CAPRIN2: variants seen among roughly 807,000 people sequenced by gnomAD.
CAPRIN2 encodes caprin family member 2.
In CAPRIN2, 66 loss-of-function variants were observed where a neutral mutation model predicts 130.4. The observed-to-expected ratio is 0.51, with a 90% CI of 0.42 to 0.62. The LOEUF (loss-of-function observed/expected upper bound fraction) is 0.62. Among genes scored for constraint, CAPRIN2 ranks in the 20% least tolerant of loss-of-function variants. The pLI is 0.00. For missense variants in CAPRIN2, 1,185 were observed against 1,246.6 expected (o/e 0.95, Z 0.74); for synonymous variants, 471 against 444.1 (o/e 1.06, Z -0.76).
At chr12:30,739,348 A>G (rs1368868885) in intron 3 of CAPRIN2, among the ~76,000 whole-genome samples, 2 of 152,204 alleles carry the variant, frequency 1.3e-5, no homozygotes, top group African/African-American at 2.4e-5. Context: ...TGGGGGCTAA[A>G]CAATGAGAAC....
chr12:30,710,971 A>G lies in CAPRIN2; in HGVS notation c.2666-501T>C, dbSNP rs1480153972. On this transcript the variant is annotated intron_variant, in intron 16 of 16. Transcript: ENST00000298892. This position sits in a 1 kb window ranked among gnomAD's most constrained non-coding sequence, Gnocchi z 4.8. ...TGCTTTTTTTATTTCCAAGTCATAC[A>G]CTTGTAATGTTTTAAGTGCCATACA... 2.6e-5 allele frequency among the ~76,000 whole-genome samples: 4 copies of G among 152,188 alleles called. No individual in the cohort carries two copies. Among genetic ancestry groups the G allele is most frequent in the African/African-American group, 9.7e-5 (4 of 41,446 alleles).
At chr12:30,726,288 T>C (rs893661500) in intron 8 of CAPRIN2, among the ~76,000 whole-genome samples, 200 bp from the exon 10 acceptor site, 3 of 152,208 alleles carry the variant, frequency 2.0e-5, no homozygotes, top group African/African-American at 7.2e-5. Flanking sequence ...TTCATGGAAC[T>C]CTTTCTAAAA....
intron 4 of CAPRIN2, among the ~76,000 whole-genome samples, chr12:30,734,076 C>A (rs2063622597): frequency 6.6e-6 from 1 of 152,196 alleles, no homozygotes; most frequent in Non-Finnish European, 1.5e-5. Context: ...TTAAAGAAAG[C>A]AGCTTATTTA....
At chr12:30,712,844 C>A (rs918610582) in intron 15 of CAPRIN2, among the ~76,000 whole-genome samples, 6 of 146,990 alleles carry the variant, frequency 4.1e-5, no homozygotes, top group Non-Finnish European at 8.9e-5. Context: ...CAGGTTCAAG[C>A]GATTCTCCTG....
chr12:30,728,600 T>G (rs1446398974), intron 8 of CAPRIN2, 48 bp downstream of exon 9: 6 of 1,439,884 alleles, frequency 4.2e-6, no homozygotes, highest in East Asian at 2.3e-5. Context: ...CCACGACACC[T>G]TATTTATGCC....
At chr12:30,745,878 T>A (rs949678818) in intron 2 of CAPRIN2, among the ~76,000 whole-genome samples, 1 of 152,168 alleles carries the variant, frequency 6.6e-6, no homozygotes, top group African/African-American at 2.4e-5. Context: ...TATTAAAATT[T>A]TATTAAAAAC....
intron 5 of CAPRIN2, among the ~76,000 whole-genome samples, chr12:30,733,207 T>C (rs544011075): frequency 1.3e-5 from 2 of 152,262 alleles, no homozygotes; most frequent in African/African-American, 4.8e-5. Context: ...TCCAGATCAA[T>C]AGACAACGTT....
chr12:30,740,707 T>C (rs1479865059), intron 3 of CAPRIN2, among the ~76,000 whole-genome samples: 2 of 152,210 alleles, frequency 1.3e-5, no homozygotes, highest in African/African-American at 2.4e-5. Flanking sequence ...TTAATAAATA[T>C]ACCTTGTCAA....
At chr12:30,730,051 C>T (rs1376531624) in intron 7 of CAPRIN2, among the ~76,000 whole-genome samples, 188 bp downstream of exon 8, 1 of 152,172 alleles carries the variant, frequency 6.6e-6, no homozygotes, top group Non-Finnish European at 1.5e-5. Context: ...TTAACGTTAT[C>T]CCTATTTTAC....
At chr12:30,723,950 G>A (rs539742399) in intron 10 of CAPRIN2, among the ~76,000 whole-genome samples, 1 of 152,192 alleles carries the variant, frequency 6.6e-6, no homozygotes, top group Non-Finnish European at 1.5e-5. Context: ...CATCAGACCA[G>A]ATTTGAATGC....
At chr12:30,719,789 A>G (rs1460950278) in intron 12 of CAPRIN2, 1 of 152,216 alleles carries the variant, frequency 6.6e-6, no homozygotes, top group East Asian at 1.9e-4. Flanking sequence ...CTAGATTGTG[A>G]AGCAGACAGC....
At chr12:30,745,070 G>A (rs753535823) in intron 2 of CAPRIN2, among the ~76,000 whole-genome samples, 13 of 152,214 alleles carry the variant, frequency 8.5e-5, no homozygotes, top group Non-Finnish European at 1.6e-4. Context: ...TACGCCGATA[G>A]CAGTGGAATT....
At chr12:30,731,606 T>TA (rs2062711991) in intron 5 of CAPRIN2, 96 bp from the exon 7 acceptor site, 1 of 935,932 alleles carries the variant, frequency 1.1e-6, no homozygotes, top group South Asian at 1.6e-5. Flanking sequence ...AGTACATTGT[T>TA]ACAATAGTTT....
intron 14 of CAPRIN2, 171 bp downstream of exon 16, chr12:30,714,788 T>G (rs2056869266): frequency 2.2e-6 from 1 of 453,826 alleles, no homozygotes; most frequent in South Asian, 6.5e-5. Context: ...GAAAATTAGT[T>G]CCTCTGTTAT....
At chr12:30,749,566 G>T (rs1200338496) in intron 2 of CAPRIN2, among the ~76,000 whole-genome samples, 1 of 152,228 alleles carries the variant, frequency 6.6e-6, no homozygotes, top group Non-Finnish European at 1.5e-5. Context: ...GAGCAGACTT[G>T]CTGATGAGCT....
At position 30,710,556 on chromosome 12, in the gene CAPRIN2, A is replaced by T; in HGVS notation, c.2666-86T>A. 1 of 1,571,944 alleles carries T rather than the reference A, an allele frequency of 6.4e-7. No individual in the cohort carries two copies. The highest frequency in any genetic ancestry group is 8.6e-7 in the Non-Finnish European group (1 of 1,162,912). On this transcript the variant is annotated intron_variant, in intron 16 of 16. Transcript: ENST00000298892. The surrounding 1 kb of genome is among the most constrained non-coding windows in gnomAD (Gnocchi z 4.8). ...TAACATTAGTCGGCTACTGAAACAG[A>T]CAAAGATACATTTTATAGTAAATTC... is the stretch of plus-strand genomic sequence containing the variant.
rs1450281281 is a variant in CAPRIN2 at position 30,710,557 on chromosome 12, C to CA, written c.2666-88dup. ...AACATTAGTCGGCTACTGAAACAGA[C>CA]AAAGATACATTTTATAGTAAATTCC... is the stretch of plus-strand genomic sequence containing the variant. On this transcript the variant is annotated intron_variant, in intron 16 of 16. Transcript: ENST00000298892. This position sits in a 1 kb window ranked among gnomAD's most constrained non-coding sequence, Gnocchi z 4.8. 2 of 1,570,676 alleles carry CA rather than the reference C, an allele frequency of 1.3e-6. No homozygotes were observed. Among genetic ancestry groups the CA allele is most frequent in the Non-Finnish European group, 1.7e-6 (2 of 1,162,338 alleles).
chr12:30,736,798 A>C (rs1186408109), intron 3 of CAPRIN2, among the ~76,000 whole-genome samples: 2 of 152,196 alleles, frequency 1.3e-5, no homozygotes, highest in African/African-American at 4.8e-5. Context: ...GCTTGAGAGA[A>C]GAAAAGAGGA....
chr12:30,749,103 C>A (rs2072318263), intron 2 of CAPRIN2, among the ~76,000 whole-genome samples: 1 of 152,024 alleles, frequency 6.6e-6, no homozygotes, highest in African/African-American at 2.4e-5. Flanking sequence ...GGGAATTGAG[C>A]CACTGAAACA....
Sources: allele counts gnomAD v4.1 joint callset (sites outside exome capture counted in the v4.1 genomes callset), GRCh38; gene constraint gnomAD v4.1.1; non-coding constraint Gnocchi (gnomAD v3.1); transcripts MANE v1.5; gene names NCBI Gene and HGNC (gene_info 2026-07-23, HGNC 2026-07-21).